DRC11: variants seen among roughly 807,000 people sequenced by gnomAD.
DRC11 encodes IQ and AAA domain-containing protein 1.
chr2:236,493,086 C>G, the DRC11 span, among the ~76,000 whole-genome samples: 2 of 152,178 alleles, frequency 1.3e-5, no homozygotes, highest in African/African-American at 4.8e-5. Context: ...TTCCATGTGG[C>G]TAGGGAGGCC....
the DRC11 span, chr2:236,380,513 G>A: frequency 2.2e-6 from 3 of 1,389,078 alleles, no homozygotes; most frequent in Non-Finnish European, 3.0e-6. This position sits in a 1 kb window ranked among gnomAD's most constrained non-coding sequence, Gnocchi z 4.9. Flanking sequence ...GGGGTTCCCT[G>A]TGCTGTTCTC....
chr2:236,497,468 GC>G, the DRC11 span: 1 of 1,609,368 alleles, frequency 6.2e-7, no homozygotes, highest in Non-Finnish European at 8.5e-7. The surrounding 1 kb of genome is among the most constrained non-coding windows in gnomAD (Gnocchi z 5.1). Flanking sequence ...TGGGTCTGAT[GC>G]CACATCTTAT....
chr2:236,342,087 A>C, the DRC11 span, among the ~76,000 whole-genome samples: 1 of 152,034 alleles, frequency 6.6e-6, no homozygotes, highest in Admixed American at 6.5e-5. The surrounding 1 kb of genome is among the most constrained non-coding windows in gnomAD (Gnocchi z 5.8). Flanking sequence ...TTATTGCGGG[A>C]GGGGCCTCAC....
the DRC11 span, among the ~76,000 whole-genome samples, chr2:236,460,312 G>A: frequency 6.6e-6 from 1 of 152,150 alleles, no homozygotes; most frequent in Admixed American, 6.5e-5. The surrounding 1 kb of genome is among the most constrained non-coding windows in gnomAD (Gnocchi z 4.0). Flanking sequence ...GGTGAGGGCT[G>A]GATCTTCAAA....
the DRC11 span, among the ~76,000 whole-genome samples, chr2:236,349,431 G>A: frequency 6.6e-6 from 1 of 152,158 alleles, no homozygotes; most frequent in African/African-American, 2.4e-5. This position sits in a 1 kb window ranked among gnomAD's most constrained non-coding sequence, Gnocchi z 5.5. Context: ...AAGAATCTCA[G>A]TTTTAGAACT....
chr2:236,491,221 A>G, the DRC11 span, among the ~76,000 whole-genome samples: 172 of 48,142 alleles, frequency 3.6e-3, 9 homozygotes, highest in African/African-American at 0.018. Context: ...TACACACAGT[A>G]TATATATATA....
the DRC11 span, chr2:236,507,152 G>GGC: frequency 8.5e-7 from 1 of 1,175,778 alleles, no homozygotes; most frequent in African/African-American, 1.5e-5. Flanking sequence ...GTTGAGAGGG[G>GGC]AGGAGAAAAG....
At chr2:236,408,137 T>G in the DRC11 span, 4 of 677,400 alleles carry the variant, frequency 5.9e-6, no homozygotes, top group Non-Finnish European at 1.1e-5. This position sits in a 1 kb window ranked among gnomAD's most constrained non-coding sequence, Gnocchi z 5.5. Flanking sequence ...TTGATATTCT[T>G]GTCAGGAAGG....
At chr2:236,406,839 G>C in the DRC11 span, among the ~76,000 whole-genome samples, 1 of 151,284 alleles carries the variant, frequency 6.6e-6, no homozygotes, top group Admixed American at 6.6e-5. This position sits in a 1 kb window ranked among gnomAD's most constrained non-coding sequence, Gnocchi z 4.7. Flanking sequence ...TCTGCCTCCC[G>C]GGTTCATGCC....
At chr2:236,343,780 T>C in the DRC11 span, 1 of 1,298,018 alleles carries the variant, frequency 7.7e-7, no homozygotes, top group South Asian at 1.2e-5. The surrounding 1 kb of genome is among the most constrained non-coding windows in gnomAD (Gnocchi z 6.6). Context: ...GAGTCCCAGA[T>C]TAAATAATAA....
At chr2:236,475,135 C>A in the DRC11 span, among the ~76,000 whole-genome samples, 3 of 152,136 alleles carry the variant, frequency 2.0e-5, no homozygotes, top group African/African-American at 7.2e-5. The surrounding 1 kb of genome is among the most constrained non-coding windows in gnomAD (Gnocchi z 4.8). Context: ...CCCTCACCCA[C>A]CTGCCCTTCC....
the DRC11 span, among the ~76,000 whole-genome samples, chr2:236,358,430 A>T: frequency 7.2e-6 from 1 of 138,552 alleles, no homozygotes; most frequent in Non-Finnish European, 1.6e-5. Flanking sequence ...ATGAATATAT[A>T]TCATATATAA....
chr2:236,450,509 G>A, the DRC11 span, among the ~76,000 whole-genome samples: 3 of 151,386 alleles, frequency 2.0e-5, no homozygotes, highest in African/African-American at 4.9e-5. Flanking sequence ...TAGTAGAGAC[G>A]GGGTTTTACC....
chr2:236,490,761 T>C, the DRC11 span, among the ~76,000 whole-genome samples: 179 of 151,960 alleles, frequency 1.2e-3, no homozygotes, highest in South Asian at 0.011. The surrounding 1 kb of genome is among the most constrained non-coding windows in gnomAD (Gnocchi z 5.5). Context: ...TTTTCATGCA[T>C]CAAAATTCTT....
the DRC11 span, chr2:236,487,872 G>T: frequency 1.9e-6 from 1 of 536,014 alleles, no homozygotes; most frequent in Non-Finnish European, 3.0e-6. Context: ...AATCTTTCTG[G>T]AATGTAATCT....
chr2:236,507,355 AC>A, the DRC11 span: 2 of 1,380,800 alleles, frequency 1.4e-6, no homozygotes, highest in Non-Finnish European at 2.1e-6. Context: ...TCAGGGCACT[AC>A]CAGGAGCTAC....
chr2:236,440,598 C>T, the DRC11 span, among the ~76,000 whole-genome samples: 2 of 152,242 alleles, frequency 1.3e-5, no homozygotes, highest in South Asian at 2.1e-4. Flanking sequence ...GTCTTGACAG[C>T]GGAGCAGGAG....
At chr2:236,465,462 C>T in the DRC11 span, 1 of 1,529,954 alleles carries the variant, frequency 6.5e-7, no homozygotes. This position sits in a 1 kb window ranked among gnomAD's most constrained non-coding sequence, Gnocchi z 6.2. Flanking sequence ...ACCTCAGCCA[C>T]TAAAGAACAG....
the DRC11 span, chr2:236,377,076 T>C: frequency 7.4e-7 from 1 of 1,358,236 alleles, no homozygotes. This position sits in a 1 kb window ranked among gnomAD's most constrained non-coding sequence, Gnocchi z 4.9. Flanking sequence ...ACGTGACACA[T>C]ACATGTATTA....
Sources: allele counts gnomAD v4.1 joint callset (sites outside exome capture counted in the v4.1 genomes callset), GRCh38; gene constraint gnomAD v4.1.1; non-coding constraint Gnocchi (gnomAD v3.1); transcripts MANE v1.5; gene names NCBI Gene and HGNC (gene_info 2026-07-23, HGNC 2026-07-21).